SOX30: variants seen among roughly 807,000 people sequenced by gnomAD.
SOX30 encodes the protein transcription factor SOX-30.
Under a neutral mutation model 58.6 loss-of-function variants are expected in SOX30, and 17 were observed. The ratio of observed to expected loss-of-function variants is 0.29; its 90% CI spans 0.20 to 0.44. SOX30 has a LOEUF of 0.44. Among genes scored for constraint, SOX30 ranks in the 20% least tolerant of loss-of-function variants. The pLI is 1.00. For synonymous variants in SOX30, 421 were observed against 400.2 expected, an observed-to-expected ratio of 1.05 and a Z score of -0.62; for missense variants, 951 against 965.8, an observed-to-expected ratio of 0.98 and a Z score of 0.20.
upstream of SOX30, among the ~76,000 whole-genome samples, chr5:157,656,787 AAGTT>A (rs568472297): frequency 4.0e-3 from 613 of 152,346 alleles, no homozygotes; most frequent in Non-Finnish European, 6.1e-3. Context: ...TTATTGTTTT[AAGTT>A]AGATAGAATG....
intron 2 of SOX30, among the ~76,000 whole-genome samples, chr5:157,665,436 CG>C (rs1028939331): frequency 1.3e-5 from 2 of 151,778 alleles, no homozygotes; most frequent in African/African-American, 4.8e-5. Context: ...CATCACACAC[CG>C]GGGCCTGTTG....
Position 157,626,337 on chromosome 5 carries a change from A to G in SOX30, c.*3T>C. On this transcript the variant is annotated 3_prime_UTR_variant, in exon 5 of 5. Coordinates refer to ENST00000265007, the MANE Select transcript of SOX30 (RefSeq NM_178424.2). ...TTATTTTCTGTGCATATTTGTTTTA[A>G]AATTATAAATCCCTGAGCACTTTTT... 1 of 1,587,886 alleles carries G rather than the reference A, an allele frequency of 6.3e-7. No individual in the cohort carries two copies.
chr5:157,644,160 ATTTG>A (rs1030129996), intron 3 of SOX30, among the ~76,000 whole-genome samples: 30 of 152,280 alleles, frequency 2.0e-4, no homozygotes, highest in Middle Eastern at 3.4e-3. Flanking sequence ...CAAGAAACAA[ATTTG>A]TTTGTTTGTT....
intron 4 of SOX30, among the ~76,000 whole-genome samples, chr5:157,636,931 C>T (rs1208091820): frequency 1.3e-5 from 2 of 151,928 alleles, no homozygotes; most frequent in Non-Finnish European, 2.9e-5. Flanking sequence ...AGTTCAAGAC[C>T]AGCCTGACCA....
chr5:157,638,977 T>C (rs1758997423), intron 3 of SOX30, among the ~76,000 whole-genome samples: 1 of 152,212 alleles, frequency 6.6e-6, no homozygotes, highest in African/African-American at 2.4e-5. Flanking sequence ...GAGCAACGTT[T>C]TCTGTTTCGT....
rs181911487 is a variant in SOX30, at chr5:157,646,734, A to G, written c.1290T>C (p.Asn430=). 4 of 1,612,758 alleles carry G rather than the reference A, an allele frequency of 2.5e-6. No homozygotes were observed. The African/African-American group carries it at 5.3e-5, about 21-fold the overall frequency. Residue 430 remains asparagine, a synonymous_variant, in exon 3 of 5, where the codon AAT becomes AAC. Coordinates refer to ENST00000265007, the MANE Select transcript of SOX30 (RefSeq NM_178424.2). ...VSNVFSGTTQ[N]IISTNPTTVY... The stretch of plus-strand genomic sequence containing the variant: ...CTGTTGTAGGATTTGTAGAGATGAT[A>G]TTCTGTGTGGTACCAGAAAATACAT...
intron 2 of SOX30, among the ~76,000 whole-genome samples, chr5:157,666,805 A>G (rs1245629287): frequency 1.3e-5 from 2 of 152,154 alleles, no homozygotes; most frequent in Non-Finnish European, 2.9e-5. Flanking sequence ...TCCTGGGTTC[A>G]AGCGATTCTC....
chr5:157,646,858 A>T (rs1759204743), intron 2 of SOX30, 42 bp from the exon 3 acceptor site: 2 of 1,438,386 alleles, frequency 1.4e-6, no homozygotes, highest in Non-Finnish European at 1.9e-6. Flanking sequence ...GACTCCATTT[A>T]GCCTTTAAAT....
At chr5:157,637,441 G>A (rs1022181488) in intron 4 of SOX30, among the ~76,000 whole-genome samples, 5 of 152,156 alleles carry the variant, frequency 3.3e-5, no homozygotes, top group African/African-American at 4.8e-5. Flanking sequence ...CCGTAAACCA[G>A]CAGAATTGGC....
At chr5:157,666,199 A>C (rs1336661927) in intron 2 of SOX30, among the ~76,000 whole-genome samples, 6 of 152,014 alleles carry the variant, frequency 3.9e-5, no homozygotes, top group African/African-American at 1.5e-4. Flanking sequence ...CTATCACTCA[A>C]GCTGGAGCAC....
intron 4 of SOX30, among the ~76,000 whole-genome samples, chr5:157,630,743 T>TA (rs1162272875): frequency 2.7e-5 from 4 of 150,480 alleles, no homozygotes; most frequent in Non-Finnish European, 5.9e-5. Flanking sequence ...ACAGATCAGT[T>TA]AGAGTTAAAA....
chr5:157,633,645 A>G (rs919720932), intron 4 of SOX30, among the ~76,000 whole-genome samples: 2 of 152,212 alleles, frequency 1.3e-5, no homozygotes, highest in Non-Finnish European at 2.9e-5. Flanking sequence ...CATAACTTCA[A>G]TCAAATTCTC....
chr5:157,628,853 C>T (rs914124974), intron 4 of SOX30, among the ~76,000 whole-genome samples: 17 of 152,202 alleles, frequency 1.1e-4, no homozygotes, highest in African/African-American at 4.1e-4. Context: ...GTTGGCCAGT[C>T]TGGTCTCGAA....
chr5:157,665,406 C>A (rs1367729410), intron 2 of SOX30, among the ~76,000 whole-genome samples: 1 of 152,000 alleles, frequency 6.6e-6, no homozygotes, highest in East Asian at 1.9e-4. Context: ...AATGAGAACA[C>A]ATGGACACAG....
At chr5:157,631,589 C>T (rs1363736040) in intron 4 of SOX30, among the ~76,000 whole-genome samples, 2 of 151,772 alleles carry the variant, frequency 1.3e-5, no homozygotes, top group African/African-American at 4.8e-5. Flanking sequence ...GGTGAAACCC[C>T]GTCTCTACTA....
At chr5:157,656,114 C>T (rs1162826665), upstream of SOX30, among the ~76,000 whole-genome samples, 2 of 152,142 alleles carry the variant, frequency 1.3e-5, no homozygotes, top group African/African-American at 4.8e-5. Context: ...GGGTTCAATT[C>T]CCATCTTAGG....
chr5:157,629,214 C>T (rs1423142998), intron 4 of SOX30, among the ~76,000 whole-genome samples: 3 of 152,120 alleles, frequency 2.0e-5, no homozygotes, highest in Non-Finnish European at 4.4e-5. Flanking sequence ...CCCAAATACC[C>T]TGACTTGATC....
Position 157,638,627 on chromosome 5 carries a change from C to T in SOX30, c.1483G>A (p.Val495Met), listed in dbSNP as rs138471751. 3.0e-3 allele frequency: 4,895 copies of T among 1,614,104 alleles called. 10 individuals are homozygous for T. The highest frequency in any genetic ancestry group is 3.7e-3 in the Non-Finnish European group (4,397 of 1,180,030). The part of the protein sequence containing the change: ...FQPSVSSAAQ[V>M]AVQDPSLPVY... Reference sequence around the variant, plus strand: ...GGTAGACTTGGATCCTGGACAGCCACCTGAGCAGCACTGGAGACGCTGGGC... The same window carrying T: ...GGTAGACTTGGATCCTGGACAGCCATCTGAGCAGCACTGGAGACGCTGGGC... Residue 495 changes from valine (V) to methionine (M), a missense_variant, in exon 4 of 5, where the codon GTG becomes ATG. By Grantham distance (21) the Val-to-Met change is conservative. Around this residue, in one of 7 missense-constraint regions of SOX30, gnomAD observed 381 missense variants for 390.0 expected, o/e 0.98. Coordinates refer to ENST00000265007, the MANE Select transcript of SOX30 (RefSeq NM_178424.2).
chr5:157,662,387 T>A (rs1052643812), intron 2 of SOX30, among the ~76,000 whole-genome samples: 12 of 152,126 alleles, frequency 7.9e-5, no homozygotes, highest in African/African-American at 2.9e-4. Flanking sequence ...CTACTTTGGC[T>A]TTTCTTTTTG....
Sources: gnomAD v4.1 joint callset for allele counts (sites outside exome capture counted in the v4.1 genomes callset) on GRCh38, gnomAD v4.1.1 for gene constraint, gnomAD v4.1.1 regional missense constraint, MANE v1.5 for transcripts, NCBI Gene and HGNC (gene_info 2026-07-23, HGNC 2026-07-21) for gene names.